The following ARMC6 variants were observed in gnomAD, a reference collection of about 807,000 sequenced individuals.
ARMC6 encodes the protein armadillo repeat containing 6.
ARMC6 carries 43 observed loss-of-function variants against 49.2 expected under a neutral mutation model. The ratio of observed to expected loss-of-function variants is 0.87; its 90% CI spans 0.69 to 1.13. The LOEUF (loss-of-function observed/expected upper bound fraction) is 1.13, where lower values mean the gene tolerates loss of function less well. Ranked by LOEUF, ARMC6 falls within the 50% of genes most tolerant of loss-of-function variation. The pLI is 0.00. For missense variants in ARMC6, 627 were observed against 682.0 expected (o/e 0.92, Z 0.90); for synonymous variants, 262 against 289.6 (o/e 0.90, Z 0.97).
rs1207225173 is a variant in ARMC6, at chr19:19,051,715, A to G, written c.373A>G (p.Lys125Glu). The change falls in exon 5 of 9, where the codon AAG (lysine) becomes GAG (glutamate). Residue 125 changes from lysine (K) to glutamate (E), a missense_variant. By Grantham distance (56) the Lys-to-Glu change is moderately conservative. Coordinates refer to ENST00000535612, the MANE Select transcript of ARMC6 (RefSeq NM_001199196.2). Reference protein sequence around the residue: ...TRFCDQCKQDKACRFLAAQKG... With the variant: ...TRFCDQCKQDEACRFLAAQKG... ...CTTCTGCGACCAGTGCAAACAGGACAAGGCCTGCCGCTTCCTCGCGGCCCA... is the reference window on the plus strand; with the variant it reads ...CTTCTGCGACCAGTGCAAACAGGACGAGGCCTGCCGCTTCCTCGCGGCCCA... 2.5e-6 allele frequency: 4 copies of G among 1,613,902 alleles called. No homozygotes were observed. Among genetic ancestry groups the G allele is most frequent in the African/African-American group, 2.7e-5 (2 of 74,930 alleles).
chr19:19,049,862 A>G (rs985361866), intron 4 of ARMC6, among the ~76,000 whole-genome samples: 6 of 152,084 alleles, frequency 3.9e-5, no homozygotes, highest in Admixed American at 1.3e-4. Context: ...TGTCTCCACT[A>G]AAAATACAAA....
At chr19:19,056,105 T>C in intron 8 of ARMC6, 177 bp downstream of exon 8, 1 of 604,492 alleles carries the variant, frequency 1.7e-6, no homozygotes, top group Non-Finnish European at 2.5e-6. Context: ...AACTTCTTTC[T>C]CATCTTGCAA....
At chr19:19,043,658 G>A (rs998724043) in intron 3 of ARMC6, among the ~76,000 whole-genome samples, 3 of 152,246 alleles carry the variant, frequency 2.0e-5, no homozygotes, top group African/African-American at 7.2e-5. Context: ...AGCCCCAAGG[G>A]AGAAGGCTGT....
intron 2 of ARMC6, among the ~76,000 whole-genome samples, chr19:19,034,777 T>C (rs1242283103): frequency 6.7e-6 from 1 of 148,788 alleles, no homozygotes; most frequent in Non-Finnish European, 1.5e-5. Flanking sequence ...TTTTTTTTTT[T>C]GAAACGGAGT....
chr19:19,055,904 A>T lies in ARMC6; in HGVS notation c.1269A>T (p.Ala423=), dbSNP rs1568498116. 6.2e-7 allele frequency: 1 copy of T among 1,611,806 alleles called. No individual in the cohort carries two copies. The highest frequency in any genetic ancestry group is 8.5e-7 in the Non-Finnish European group (1 of 1,179,374). ...GAVAALQAMK[A]HPQKAGVQKQ... ...TGGCAGCACTGCAGGCCATGAAGGC[A>T]CACCCGCAGAAGGCCGGCGTGCAGG... Residue 423 remains alanine, a synonymous_variant, in exon 8 of 9, where the codon GCA becomes GCT. Coordinates refer to ENST00000535612, the MANE Select transcript of ARMC6 (RefSeq NM_001199196.2). The surrounding 1 kb of genome is among the most constrained non-coding windows in gnomAD (Gnocchi z 5.7).
chr19:19,040,493 C>G (rs1473087817), intron 2 of ARMC6, among the ~76,000 whole-genome samples: 4 of 151,990 alleles, frequency 2.6e-5, no homozygotes, highest in African/African-American at 9.7e-5. Flanking sequence ...CCAGGCTGGT[C>G]TTGAACTCCT....
At chr19:19,045,654 ATTT>A (rs35182072) in intron 4 of ARMC6, among the ~76,000 whole-genome samples, 1 of 136,072 alleles carries the variant, frequency 7.3e-6, no homozygotes. Flanking sequence ...TGCCCAGCTA[ATTT>A]TTTTTTTTTT....
chr19:19,040,413 G>C (rs1300296814), intron 2 of ARMC6, among the ~76,000 whole-genome samples: 1 of 152,100 alleles, frequency 6.6e-6, no homozygotes, highest in Non-Finnish European at 1.5e-5. Context: ...AAGGGAGGCA[G>C]GTTAAGTGCT....
In ARMC6 at chr19:19,042,691, T is replaced by C. The variant is rs2059419552; in HGVS notation, c.30-20T>C. On this transcript the variant is annotated intron_variant, in intron 2 of 8. Coordinates refer to ENST00000535612, the MANE Select transcript of ARMC6 (RefSeq NM_001199196.2). ...CCTGCTCACCCTTGAGGTAGCTCTCTCTTTGCCCTAACCTCTCAGCTCAGG... is the reference window on the plus strand; with the variant it reads ...CCTGCTCACCCTTGAGGTAGCTCTCCCTTTGCCCTAACCTCTCAGCTCAGG... The C allele has an allele frequency of 4.3e-6, 7 of 1,610,580 alleles. No homozygotes were observed. The highest frequency in any genetic ancestry group is 5.9e-6 in the Non-Finnish European group (7 of 1,179,936).
intron 5 of ARMC6, 117 bp from the exon 6 acceptor site, chr19:19,054,035 G>GCA: frequency 9.4e-7 from 1 of 1,062,280 alleles, no homozygotes; most frequent in South Asian, 2.5e-5. Context: ...GGTGCCCGTG[G>GCA]CCACTCCAAT....
rs200448665 is a variant in ARMC6, at chr19:19,055,343, G to C, written c.1102G>C (p.Gly368Arg). 2 of 1,613,426 alleles carry C rather than the reference G, an allele frequency of 1.2e-6. No individual in the cohort carries two copies. Among genetic ancestry groups the C allele is most frequent in the South Asian group, 2.2e-5 (2 of 91,026 alleles). ...DDVKDAIVRA[G>R]GTESIVAAMT... The stretch of plus-strand genomic sequence containing the variant: ...CGTGAAAGATGCTATTGTCCGTGCT[G>C]GTGGGACGGAGTCCATCGTGGCTGC... The change falls in exon 7 of 9, where the codon GGT becomes CGT. Residue 368 changes from glycine (G) to arginine (R), a missense_variant. Transcript: ENST00000535612. The surrounding 1 kb of genome is among the most constrained non-coding windows in gnomAD (Gnocchi z 5.7).
At chr19:19,047,151 T>TGGAAATACATTCTTAGCATAAA (rs1014908174) in intron 4 of ARMC6, among the ~76,000 whole-genome samples, 1 of 151,422 alleles carries the variant, frequency 6.6e-6, no homozygotes, top group Non-Finnish European at 1.5e-5. Flanking sequence ...TAAGGAAGAG[T>TGGAAATACATTCTTAGCATAAA]GGAAATACAT....
chr19:19,049,998 T>G (rs1197810038), intron 4 of ARMC6, among the ~76,000 whole-genome samples: 1 of 151,340 alleles, frequency 6.6e-6, no homozygotes. Flanking sequence ...CACTCCAGCC[T>G]GGGTGACAGA....
intron 4 of ARMC6, among the ~76,000 whole-genome samples, chr19:19,045,529 C>CTGGAGTA (rs2145859269): frequency 1.2e-5 from 1 of 83,646 alleles, no homozygotes; most frequent in East Asian, 4.4e-4. Context: ...ACTCTGTTGC[C>CTGGAGTA]CAGGCTGGAG....
Position 19,033,800 on chromosome 19 carries a change from C to A in ARMC6, c.-210C>A, listed in dbSNP as rs2059295699. The A allele has an allele frequency of 4.0e-6, 1 of 249,314 alleles. No homozygotes were observed. The highest frequency in any genetic ancestry group is 7.7e-6 in the Non-Finnish European group (1 of 130,236). The allele number at this position is 249,314 out of a possible 1,614,324, so 15.4% of individuals were successfully genotyped here. A position where few individuals can be genotyped will look rare whatever the true frequency, so the allele number is the denominator to read the frequency against. On this transcript the variant is annotated 5_prime_UTR_variant, in exon 1 of 9. Transcript: ENST00000535612. Reference sequence around the variant, plus strand: ...CGTCCTTGGTTATCGTGAGCGTCCGCGAGTCTCTGGGAGGCCAAGCCTAGG... The same window carrying A: ...CGTCCTTGGTTATCGTGAGCGTCCGAGAGTCTCTGGGAGGCCAAGCCTAGG...
intron 4 of ARMC6, among the ~76,000 whole-genome samples, chr19:19,048,906 C>T (rs917877752): frequency 5.9e-5 from 9 of 152,094 alleles, no homozygotes; most frequent in African/African-American, 2.2e-4. Context: ...AAAAGTCTTA[C>T]GATGATCAGT....
At chr19:19,050,253 C>T (rs1721763517) in intron 4 of ARMC6, among the ~76,000 whole-genome samples, 1 of 152,206 alleles carries the variant, frequency 6.6e-6, no homozygotes, top group African/African-American at 2.4e-5. Context: ...TCCCTGCAAC[C>T]TCCAACCTCT....
chr19:19,044,190 C>A, intron 4 of ARMC6, 116 bp downstream of exon 4: 1 of 1,061,386 alleles, frequency 9.4e-7, no homozygotes, highest in Non-Finnish European at 1.4e-6. Context: ...CCCCAGCATG[C>A]ATGGGCAAGC....
chr19:19,042,227 A>G, intron 2 of ARMC6, among the ~76,000 whole-genome samples: 1 of 152,226 alleles, frequency 6.6e-6, no homozygotes, highest in Non-Finnish European at 1.5e-5. Context: ...TCTGATTCCT[A>G]ATAAGATAAT....
Sources: gnomAD v4.1 joint callset for allele counts (sites outside exome capture counted in the v4.1 genomes callset) on GRCh38, gnomAD v4.1.1 for gene constraint, Gnocchi (gnomAD v3.1) non-coding constraint, MANE v1.5 for transcripts, NCBI Gene and HGNC (gene_info 2026-07-23, HGNC 2026-07-21) for gene names.